Variants in GNL1 observed in about 807,000 individuals in gnomAD.
GNL1 encodes the protein G protein nucleolar 1.
In GNL1, 21 loss-of-function variants were observed where a neutral mutation model predicts 75.2. That is an observed-to-expected ratio of 0.28 (90% CI 0.20 to 0.40). GNL1 has a LOEUF of 0.40. Ranked by LOEUF, GNL1 falls within the 10% of genes least tolerant of loss-of-function variation. GNL1 has a pLI of 1.00. For synonymous variants in GNL1, 287 were observed against 303.4 expected (o/e 0.95, Z 0.56); for missense variants, 579 against 775.0 (o/e 0.75, Z 3.00).
At position 30,547,640 on chromosome 6, in the gene GNL1, G is replaced by T; in HGVS notation, c.1100-110C>A. Reference sequence around the variant, plus strand: ...CTAAGGCTCAGAAATTAAGGAAATGGTATTGCAGAATACAAATCACGCTCT... The same window carrying T: ...CTAAGGCTCAGAAATTAAGGAAATGTTATTGCAGAATACAAATCACGCTCT... On this transcript the variant is annotated intron_variant, in intron 8 of 11. Coordinates refer to ENST00000376621, the MANE Select transcript of GNL1 (RefSeq NM_005275.5). This position sits in a 1 kb window ranked among gnomAD's most constrained non-coding sequence, Gnocchi z 5.5. 1 of 934,428 alleles carries T rather than the reference G, an allele frequency of 1.1e-6. No individual in the cohort carries two copies. Among genetic ancestry groups the T allele is most frequent in the Non-Finnish European group, 1.7e-6 (1 of 599,882 alleles). 57.9% of individuals were successfully genotyped at this position (934,428 alleles called of 1,614,324 possible).
chr6:30,553,750 G>A (rs541115711), intron 5 of GNL1, among the ~76,000 whole-genome samples, 193 bp from the exon 6 acceptor site: 149 of 152,214 alleles, frequency 9.8e-4, no homozygotes, highest in African/African-American at 3.2e-3. Flanking sequence ...AGTCTCAGAG[G>A]GCTTCCTATA....
rs1800032897 is a variant in GNL1 at position 30,554,854 on chromosome 6, G to T, written c.438C>A (p.Ser146Arg). The T allele has an allele frequency of 6.2e-7, 1 of 1,612,056 alleles. No individual in the cohort carries two copies. Among genetic ancestry groups the T allele is most frequent in the Non-Finnish European group, 8.5e-7 (1 of 1,179,174 alleles). Residue 146 changes from serine (S) to arginine (R), a missense_variant, in exon 4 of 12, where the codon AGC (serine) becomes AGA (arginine). Ser to Arg is a moderately radical substitution (Grantham distance 110). Coordinates refer to ENST00000376621, the MANE Select transcript of GNL1 (RefSeq NM_005275.5). ...SYEMSKEQLM[S>R]QEERSFQDYL... ...AGTCTTGGAAGCTCCGTTCCTCTTG[G>T]CTCATTAGTTGCTCCTTGGACATCT...
chr6:30,549,330 C>T (rs372856340), intron 8 of GNL1, among the ~76,000 whole-genome samples: 30 of 152,140 alleles, frequency 2.0e-4, no homozygotes, highest in African/African-American at 6.5e-4. Context: ...AATCCTCTCC[C>T]TCTATACATG....
At position 30,553,393 on chromosome 6, in the gene GNL1, G is replaced by A; in HGVS notation, c.765C>T (p.Thr255=). 2 of 1,612,674 alleles carry A rather than the reference G, an allele frequency of 1.2e-6. No individual in the cohort carries two copies. Among genetic ancestry groups the A allele is most frequent in the South Asian group, 1.1e-5 (1 of 91,058 alleles). ...GGGTGCGGGGGTCCCGAGGAAAAGA[G>A]GTGAAAAGGACGACGTGGAGCTGGG... ...HYPQLHVVLF[T]SFPRDPRTPQ... is the part of the protein sequence containing the mutation. Residue 255 remains threonine, a synonymous_variant, in exon 6 of 12, where the codon ACC becomes ACT. Transcript: ENST00000376621.
Position 30,543,584 on chromosome 6 carries a change from T to C in GNL1, c.*2488A>G, listed in dbSNP as rs1292387072. 2 of 152,188 alleles carry C rather than the reference T, an allele frequency of 1.3e-5. No homozygotes were observed. Among genetic ancestry groups the C allele is most frequent in the Non-Finnish European group, 2.9e-5 (2 of 68,036 alleles). The allele number at this position is 152,188 out of a possible 1,614,324, so 9.4% of individuals were successfully genotyped here. On this transcript the variant is annotated 3_prime_UTR_variant, in exon 12 of 12. Transcript: ENST00000376621. Reference sequence around the variant, plus strand: ...TAGTTTACATACTGCTATAGAGCTATTGTATTATATTATTATTATTCTATT... The same window carrying C: ...TAGTTTACATACTGCTATAGAGCTACTGTATTATATTATTATTATTCTATT...
Position 30,546,921 on chromosome 6 carries a change from T to G in GNL1, c.1442-85A>C, listed in dbSNP as rs1043656956. The G allele has an allele frequency of 4.6e-6, 6 of 1,296,792 alleles. No individual in the cohort carries two copies. In the South Asian group the frequency reaches 6.5e-5, roughly 14 times the overall value. The allele number at this position is 1,296,792 out of a possible 1,614,324, so 80.3% of individuals were successfully genotyped here. A position where few individuals can be genotyped will look rare whatever the true frequency, so the allele number is the denominator to read the frequency against. On this transcript the variant is annotated intron_variant, in intron 10 of 11. Coordinates refer to ENST00000376621, the MANE Select transcript of GNL1 (RefSeq NM_005275.5). The surrounding 1 kb of genome is among the most constrained non-coding windows in gnomAD (Gnocchi z 5.1). ...CACTCCCATAACACAGTCCTTCCAG[T>G]TTTCCCCAAAACATTCCAGGCCAGA...
At position 30,545,928 on chromosome 6, in the gene GNL1, C is replaced by A; in HGVS notation, c.*144G>T. Reference sequence around the variant, plus strand: ...GCCTCCCACAGCTGTTAGCCTGGAACAGCCGCTCTCACCTCAGTTCATCTG... The same window carrying A: ...GCCTCCCACAGCTGTTAGCCTGGAAAAGCCGCTCTCACCTCAGTTCATCTG... On this transcript the variant is annotated 3_prime_UTR_variant, in exon 12 of 12. Transcript: ENST00000376621. 1 of 647,982 alleles carries A rather than the reference C, an allele frequency of 1.5e-6. No individual in the cohort carries two copies. The highest frequency in any genetic ancestry group is 1.9e-5 in the South Asian group (1 of 52,542). The allele number at this position is 647,982 out of a possible 1,614,324, so 40.1% of individuals were successfully genotyped here.
Position 30,547,277 on chromosome 6 carries a change from G to C in GNL1, c.1279-3C>G. 1 of 1,586,960 alleles carries C rather than the reference G, an allele frequency of 6.3e-7. No homozygotes were observed. Among genetic ancestry groups the C allele is most frequent in the Non-Finnish European group, 8.6e-7 (1 of 1,166,350 alleles). ...ATAGGGTAGATCCCTGCCAGAACCT[G>C]AGGGAAATGAGCACTCAGTACTTTC... On this transcript the variant is annotated splice_polypyrimidine_tract_variant and splice_region_variant and intron_variant, in intron 9 of 11. Coordinates refer to ENST00000376621, the MANE Select transcript of GNL1 (RefSeq NM_005275.5). This position sits in a 1 kb window ranked among gnomAD's most constrained non-coding sequence, Gnocchi z 5.5.
Position 30,546,233 on chromosome 6 carries a change from C to T in GNL1, c.1663G>A (p.Glu555Lys). ...GAGCTGCTCAGCTCTTCCTCTTCCT[C>T]CTCCTCCTCGTCACCTGCTGGCCCC... ...RVGPAGDEEE[E>K]EEEELSSSCE... The change falls in exon 12 of 12, where the codon GAG becomes AAG. Residue 555 changes from glutamate to lysine, a missense_variant. Coordinates refer to ENST00000376621, the MANE Select transcript of GNL1 (RefSeq NM_005275.5). The surrounding 1 kb of genome is among the most constrained non-coding windows in gnomAD (Gnocchi z 5.1). 1 of 1,572,362 alleles carries T rather than the reference C, an allele frequency of 6.4e-7. No individual in the cohort carries two copies. Among genetic ancestry groups the T allele is most frequent in the Non-Finnish European group, 8.7e-7 (1 of 1,155,308 alleles).
At position 30,555,244 on chromosome 6, in the gene GNL1, T is replaced by C. The variant is rs1800070911; in HGVS notation, c.240-53A>G. The C allele has an allele frequency of 6.2e-7, 1 of 1,606,634 alleles. No individual in the cohort carries two copies. Among genetic ancestry groups the C allele is most frequent in the Non-Finnish European group, 8.5e-7 (1 of 1,174,690 alleles). On this transcript the variant is annotated intron_variant, in intron 2 of 11. Coordinates refer to ENST00000376621, the MANE Select transcript of GNL1 (RefSeq NM_005275.5). The surrounding 1 kb of genome is among the most constrained non-coding windows in gnomAD (Gnocchi z 4.3). ...GAGCAATCCTGTGGCCACAAACTCC[T>C]ATTTTCTCCCCTCTTGTACAATCAA...
At position 30,547,037 on chromosome 6, in the gene GNL1, G is replaced by A; in HGVS notation, c.1441+75C>T. ...CTCTGAGGAGAGGAAAGGAGACAGG[G>A]AAGGGTAAAAGGCGAGGCAGGTAAG... On this transcript the variant is annotated intron_variant, in intron 10 of 11. Transcript: ENST00000376621. The surrounding 1 kb of genome is among the most constrained non-coding windows in gnomAD (Gnocchi z 5.5). 7.4e-7 allele frequency: 1 copy of A among 1,351,980 alleles called. No homozygotes were observed. The highest frequency in any genetic ancestry group is 1.1e-6 in the Non-Finnish European group (1 of 944,812). 83.7% of individuals were successfully genotyped at this position (1,351,980 alleles called of 1,614,324 possible). A position where few individuals can be genotyped will look rare whatever the true frequency, so the allele number is the denominator to read the frequency against.
intron 5 of GNL1, among the ~76,000 whole-genome samples, chr6:30,553,820 A>G (rs1055077985): frequency 4.6e-5 from 7 of 152,250 alleles, no homozygotes; most frequent in Non-Finnish European, 1.0e-4. Flanking sequence ...ATCACTTAGC[A>G]CACTGAGGTA....
At chr6:30,549,247 C>A (rs1377515730) in intron 8 of GNL1, among the ~76,000 whole-genome samples, 2 of 152,150 alleles carry the variant, frequency 1.3e-5, no homozygotes, top group Non-Finnish European at 2.9e-5. Flanking sequence ...AATGCGCCTG[C>A]CTCAGCCTCC....
chr6:30,545,851 A>G lies in GNL1; in HGVS notation c.*221T>C. 1 of 545,680 alleles carries G rather than the reference A, an allele frequency of 1.8e-6. No individual in the cohort carries two copies. The highest frequency in any genetic ancestry group is 3.2e-6 in the Non-Finnish European group (1 of 315,986). 33.8% of individuals were successfully genotyped at this position (545,680 alleles called of 1,614,324 possible). A position where few individuals can be genotyped will look rare whatever the true frequency, so the allele number is the denominator to read the frequency against. On this transcript the variant is annotated 3_prime_UTR_variant, in exon 12 of 12. Transcript: ENST00000376621. ...GAGAACCTACTAAACTCCTAAGAGA[A>G]CTTTCCCTTGCAAAGAGAATGCATG...
At position 30,546,341 on chromosome 6, in the gene GNL1, G is replaced by A; in HGVS notation, c.1583-28C>T. 6.8e-7 allele frequency: 1 copy of A among 1,480,724 alleles called. No homozygotes were observed. The highest frequency in any genetic ancestry group is 9.3e-7 in the Non-Finnish European group (1 of 1,074,224). The allele number at this position is 1,480,724 out of a possible 1,614,324, so 91.7% of individuals were successfully genotyped here. A position where few individuals can be genotyped will look rare whatever the true frequency, so the allele number is the denominator to read the frequency against. On this transcript the variant is annotated intron_variant, in intron 11 of 11. Transcript: ENST00000376621. The surrounding 1 kb of genome is among the most constrained non-coding windows in gnomAD (Gnocchi z 5.1). ...GGGGAACCAAAACAAGAAAAAAATG[G>A]AGGAGAGTTTTGAGCAAGAACTAAA...
rs1799284701 is a variant in GNL1 at position 30,543,510 on chromosome 6, CT to C, written c.*2561del. On this transcript the variant is annotated 3_prime_UTR_variant, in exon 12 of 12. Coordinates refer to ENST00000376621, the MANE Select transcript of GNL1 (RefSeq NM_005275.5). ...TTGGGATAATTATAGTACTAACCAT[CT>C]TATTTAGTTATGACAGTTCAATAGA... The C allele has an allele frequency of 6.6e-6, 1 of 152,154 alleles. No homozygotes were observed. The highest frequency in any genetic ancestry group is 6.5e-5 in the Admixed American group (1 of 15,270). The allele number at this position is 152,154 out of a possible 1,614,324, so 9.4% of individuals were successfully genotyped here.
At chr6:30,554,457 T>C (rs1390018323) in intron 5 of GNL1, 118 bp downstream of exon 5, 2 of 748,592 alleles carry the variant, frequency 2.7e-6, no homozygotes, top group African/African-American at 1.7e-5. Flanking sequence ...CAGCACTAGG[T>C]AGAGATTAGA....
In GNL1 at chr6:30,548,974, C is replaced by A. The variant is rs1228061725; in HGVS notation, c.1100-1444G>T. ...GAACCCCATACCACCCAATGTGTGA[C>A]AACATGTTCCATCTGTCCTTGTTTT... On this transcript the variant is annotated intron_variant, in intron 8 of 11. Coordinates refer to ENST00000376621, the MANE Select transcript of GNL1 (RefSeq NM_005275.5). The surrounding 1 kb of genome is among the most constrained non-coding windows in gnomAD (Gnocchi z 4.2). Among the ~76,000 whole-genome samples the A allele has an allele frequency of 1.4e-5, 2 of 147,866 alleles. No homozygotes were observed. The highest frequency in any genetic ancestry group is 5.0e-5 in the African/African-American group (2 of 39,672).
chr6:30,552,360 T>C lies in GNL1; in HGVS notation c.1099+107A>G. On this transcript the variant is annotated intron_variant, in intron 8 of 11. Transcript: ENST00000376621. The surrounding 1 kb of genome is among the most constrained non-coding windows in gnomAD (Gnocchi z 4.5). The stretch of plus-strand genomic sequence containing the variant: ...CACCGCCACTGGCAGAGATCACCCC[T>C]CAGACACCCTGGGGCCTAATGAGAC... 1.1e-6 allele frequency: 1 copy of C among 917,220 alleles called. No individual in the cohort carries two copies. The allele number at this position is 917,220 out of a possible 1,614,324, so 56.8% of individuals were successfully genotyped here.
Sources: gnomAD v4.1 joint callset for allele counts (sites outside exome capture counted in the v4.1 genomes callset) on GRCh38, gnomAD v4.1.1 for gene constraint, Gnocchi (gnomAD v3.1) non-coding constraint, MANE v1.5 for transcripts, NCBI Gene and HGNC (gene_info 2026-07-23, HGNC 2026-07-21) for gene names.